The following ANO2 variants were observed in gnomAD, a reference collection of about 807,000 sequenced individuals.
ANO2 encodes the protein anoctamin 2, also known as anoctamin-2.
A neutral mutation model predicts 124.2 loss-of-function variants in ANO2; 101 were observed. That is an observed-to-expected ratio of 0.81 (90% CI 0.69 to 0.96). The LOEUF (loss-of-function observed/expected upper bound fraction) is 0.96, where lower values mean the gene tolerates loss of function less well. Among genes scored for constraint, ANO2 ranks in the 40% least tolerant of loss-of-function variants. ANO2 has a pLI of 0.00. For synonymous variants in ANO2, 486 were observed against 482.5 expected (o/e 1.01, Z -0.09); for missense variants, 1,293 against 1,274.5 (o/e 1.01, Z -0.22).
intron 14 of ANO2, among the ~76,000 whole-genome samples, chr12:5,674,426 C>A (rs1948139001): frequency 8.6e-6 from 1 of 115,690 alleles, no homozygotes. Context: ...AACATGTCAA[C>A]TCTCCCCACG....
intron 20 of ANO2, chr12:5,584,147 A>G (rs1591669095): frequency 2.5e-5 from 3 of 117,732 alleles, no homozygotes; most frequent in South Asian, 1.5e-4. Flanking sequence ...CCCCCGCCGC[A>G]AGAATATTAA....
chr12:5,712,678 G>A (rs1248141660), intron 14 of ANO2, among the ~76,000 whole-genome samples: 1 of 152,162 alleles, frequency 6.6e-6, no homozygotes. Context: ...CAAGAGCCAA[G>A]AGCTAAGCCT....
At chr12:5,826,433 AACTCATATATATATAT>A (rs1953955206) in intron 7 of ANO2, among the ~76,000 whole-genome samples, 1 of 132,020 alleles carries the variant, frequency 7.6e-6, no homozygotes, top group Non-Finnish European at 1.6e-5. Context: ...ATGCTTAATA[AACTCATATATATATAT>A]ATATATATAT....
At chr12:5,845,961 AACTTAT>A (rs573207673) in intron 4 of ANO2, among the ~76,000 whole-genome samples, 260 of 152,366 alleles carry the variant, frequency 1.7e-3, no homozygotes, top group Non-Finnish European at 2.5e-3. Context: ...TTTATTTATC[AACTTAT>A]ACTTATAAGA....
intron 14 of ANO2, among the ~76,000 whole-genome samples, chr12:5,703,549 T>G (rs1949487819): frequency 6.6e-6 from 1 of 152,182 alleles, no homozygotes. Context: ...TATTTTTATT[T>G]TTTTTGAGAC....
intron 1 of ANO2, among the ~76,000 whole-genome samples, chr12:5,941,205 T>C (rs748765254): frequency 2.0e-5 from 3 of 152,196 alleles, no homozygotes; most frequent in Admixed American, 6.5e-5. Context: ...TCTGTGAATA[T>C]ACCAACAGCC....
chr12:5,634,913 A>T (rs1230381843), intron 16 of ANO2, among the ~76,000 whole-genome samples: 1 of 152,220 alleles, frequency 6.6e-6, no homozygotes, highest in African/African-American at 2.4e-5. Flanking sequence ...CACATGAGGC[A>T]ATCAACACAG....
intron 15 of ANO2, among the ~76,000 whole-genome samples, chr12:5,639,091 A>G (rs1227496521): frequency 6.6e-6 from 1 of 152,192 alleles, no homozygotes; most frequent in Non-Finnish European, 1.5e-5. Context: ...CTCCACAGAA[A>G]AAAGTTTTGG....
chr12:5,774,685 C>A (rs574837974), intron 10 of ANO2, among the ~76,000 whole-genome samples: 3 of 152,142 alleles, frequency 2.0e-5, no homozygotes, highest in Non-Finnish European at 4.4e-5. Flanking sequence ...AGGAGAGCTG[C>A]GTCAGGACCC....
intron 3 of ANO2, among the ~76,000 whole-genome samples, chr12:5,899,585 G>A (rs1940038878): frequency 6.6e-6 from 1 of 152,224 alleles, no homozygotes; most frequent in South Asian, 2.1e-4. Flanking sequence ...GGACTCAGGT[G>A]ACCAACAAAT....
At chr12:5,860,180 C>G (rs140541766) in intron 3 of ANO2, among the ~76,000 whole-genome samples, 2 of 152,236 alleles carry the variant, frequency 1.3e-5, no homozygotes, top group East Asian at 3.9e-4. Context: ...TCTCATCATC[C>G]CCCATCCCAA....
chr12:5,882,899 A>G (rs965258586), intron 3 of ANO2, among the ~76,000 whole-genome samples: 3 of 152,220 alleles, frequency 2.0e-5, no homozygotes, highest in Non-Finnish European at 2.9e-5. Flanking sequence ...ACAGGAGGGC[A>G]GAGGAAGAAA....
intron 3 of ANO2, among the ~76,000 whole-genome samples, chr12:5,910,550 T>C (rs1460281844): frequency 7.9e-5 from 12 of 152,182 alleles, no homozygotes; most frequent in Non-Finnish European, 7.4e-5. Flanking sequence ...ATATTATTAA[T>C]TGAAGTAAAT....
chr12:5,711,408 C>G (rs2137040015), intron 14 of ANO2, among the ~76,000 whole-genome samples: 1 of 152,286 alleles, frequency 6.6e-6, no homozygotes, highest in East Asian at 1.9e-4. Flanking sequence ...CTTCCTGAGG[C>G]CTCCCCAGCG....
intron 3 of ANO2, among the ~76,000 whole-genome samples, chr12:5,916,492 T>TTA (rs528617458): frequency 2.1e-5 from 2 of 93,160 alleles, no homozygotes; most frequent in African/African-American, 8.7e-5. Context: ...CGCAGCAGGT[T>TTA]AAAAAAAAAA....
intron 16 of ANO2, among the ~76,000 whole-genome samples, chr12:5,629,648 C>T (rs1945600484): frequency 6.6e-6 from 1 of 152,194 alleles, no homozygotes; most frequent in South Asian, 2.1e-4. Flanking sequence ...ACCTGTATCC[C>T]CTCCTGGAGT....
chr12:5,638,174 A>G (rs951856089), intron 15 of ANO2, among the ~76,000 whole-genome samples: 10 of 151,884 alleles, frequency 6.6e-5, no homozygotes, highest in Non-Finnish European at 1.2e-4. Flanking sequence ...ATACCAGCTG[A>G]ACCATTTGTG....
intron 14 of ANO2, among the ~76,000 whole-genome samples, chr12:5,729,821 T>A (rs891536737): frequency 6.6e-6 from 1 of 152,224 alleles, no homozygotes; most frequent in African/African-American, 2.4e-5. Flanking sequence ...GAATATTATT[T>A]GGCAATATAA....
chr12:5,783,331 G>A (rs1433142889), intron 10 of ANO2, among the ~76,000 whole-genome samples: 2 of 152,194 alleles, frequency 1.3e-5, no homozygotes, highest in Non-Finnish European at 2.9e-5. Context: ...ATGGGCATCA[G>A]TTGAAAATCT....
Sources: allele counts gnomAD v4.1 joint callset (sites outside exome capture counted in the v4.1 genomes callset), GRCh38; gene constraint gnomAD v4.1.1; transcripts MANE v1.5; gene names NCBI Gene and HGNC (gene_info 2026-07-23, HGNC 2026-07-21).